ARAP2: variants seen among roughly 807,000 people sequenced by gnomAD.
ARAP2 encodes arf-GAP with Rho-GAP domain, ANK repeat and PH domain-containing protein 2.
ARAP2 carries 148 observed loss-of-function variants against 194.5 expected under a neutral mutation model. The observed-to-expected ratio is 0.76, with a 90% CI of 0.67 to 0.87. The LOEUF (loss-of-function observed/expected upper bound fraction) is 0.87. ARAP2 is among the 40% of genes least tolerant of loss of function. The pLI is 0.00. For missense variants in ARAP2, 2,128 were observed against 1,989.7 expected (o/e 1.07, Z -1.32); for synonymous variants, 695 against 683.5 (o/e 1.02, Z -0.26).
intron 28 of ARAP2, among the ~76,000 whole-genome samples, chr4:36,090,050 C>T (rs1713148004): frequency 6.7e-6 from 1 of 149,648 alleles, no homozygotes; most frequent in South Asian, 2.1e-4. Flanking sequence ...ATTTGATAAA[C>T]ACAATCAGAA....
chr4:36,111,385 C>T (rs562606892), intron 26 of ARAP2, among the ~76,000 whole-genome samples: 27 of 152,042 alleles, frequency 1.8e-4, no homozygotes, highest in African/African-American at 6.0e-4. Flanking sequence ...ACCACAGGCC[C>T]TTCTGTTGCT....
At chr4:36,045,026 T>G (rs1202123592) in intron 5 of ARAP2, among the ~76,000 whole-genome samples, 1 of 152,168 alleles carries the variant, frequency 6.6e-6, no homozygotes, top group Non-Finnish European at 1.5e-5. Context: ...CCTGTTAGAA[T>G]GGCTATCATA....
intron 5 of ARAP2, among the ~76,000 whole-genome samples, chr4:36,040,319 T>C (rs552962377): frequency 2.0e-5 from 3 of 152,274 alleles, no homozygotes; most frequent in Admixed American, 6.5e-5. Context: ...ACGATGCCCA[T>C]ATATATGAAG....
intron 8 of ARAP2, among the ~76,000 whole-genome samples, chr4:36,013,304 C>A (rs1182699674): frequency 6.6e-6 from 1 of 152,072 alleles, no homozygotes; most frequent in Non-Finnish European, 1.5e-5. Context: ...TGACGTAATA[C>A]CCTTTCTGGA....
intron 5 of ARAP2, among the ~76,000 whole-genome samples, chr4:36,030,180 G>A (rs1436554911): frequency 9.2e-5 from 14 of 151,924 alleles, no homozygotes. Flanking sequence ...CAGCTTGGCT[G>A]GAAATAAGAT....
intron 1 of ARAP2, among the ~76,000 whole-genome samples, chr4:36,060,201 C>G (rs1024016719): frequency 6.6e-6 from 1 of 152,136 alleles, no homozygotes; most frequent in Admixed American, 6.6e-5. Context: ...AGTCGTTTAA[C>G]TGAGAAGCTC....
In ARAP2 at chr4:36,020,137, G is replaced by A. The variant is rs546481429; in HGVS notation, n.608-851C>T. On this transcript the variant is annotated intron_variant and non_coding_transcript_variant, in intron 5 of 12. Coordinates refer to the ARAP2 transcript ENST00000503225. The stretch of plus-strand genomic sequence containing the variant: ...TAATACCACGACAATCAGACAGGGT[G>A]CGGCAGCTCATGCCTGTAAGCCCAG... Among the ~76,000 whole-genome samples the A allele has an allele frequency of 6.6e-5, 10 of 152,342 alleles. No homozygotes were observed. In the East Asian group the frequency reaches 1.9e-3, roughly 29 times the overall value.
At chr4:36,171,279 A>G (rs940440742) in intron 9 of ARAP2, among the ~76,000 whole-genome samples, 10 of 151,216 alleles carry the variant, frequency 6.6e-5, no homozygotes, top group Admixed American at 2.6e-4. Context: ...CCAAATGTCC[A>G]ACAACGATAG....
rs139223086 is a variant in ARAP2, at chr4:36,086,106, T to C, written c.4426-2656A>G. Among the ~76,000 whole-genome samples the C allele has an allele frequency of 2.2e-4, 33 of 152,194 alleles. 1 individual carries two copies. In the East Asian group the frequency reaches 6.4e-3, roughly 29 times the overall value. ...CACCTGTGTCAGAGGTTAAATCAAA[T>C]TACAACCAAGGTTTGTGTTCCTTTT... On this transcript the variant is annotated intron_variant, in intron 28 of 32. Transcript: ENST00000303965.
chr4:36,143,826 G>A (rs1241464833), intron 19 of ARAP2, among the ~76,000 whole-genome samples: 2 of 151,746 alleles, frequency 1.3e-5, no homozygotes, highest in African/African-American at 4.8e-5. Context: ...TAACTTGTTA[G>A]TAACACATGT....
At chr4:36,193,825 G>A (rs1001736031) in intron 6 of ARAP2, among the ~76,000 whole-genome samples, 178 bp from the exon 7 acceptor site, 1 of 152,184 alleles carries the variant, frequency 6.6e-6, no homozygotes, top group Non-Finnish European at 1.5e-5. Flanking sequence ...TAGCATAATA[G>A]TACTTTCTAA....
Position 36,068,288 on chromosome 4 carries a change from A to C in ARAP2, c.4744-10T>G. 1.3e-6 allele frequency: 2 copies of C among 1,510,136 alleles called. No individual in the cohort carries two copies. The highest frequency in any genetic ancestry group is 1.8e-6 in the Non-Finnish European group (2 of 1,131,490). The allele number at this position is 1,510,136 out of a possible 1,614,324, so 93.5% of individuals were successfully genotyped here. A position where few individuals can be genotyped will look rare whatever the true frequency, so the allele number is the denominator to read the frequency against. On this transcript the variant is annotated splice_polypyrimidine_tract_variant and intron_variant, in intron 32 of 32. Coordinates refer to ENST00000303965, the MANE Select transcript of ARAP2 (RefSeq NM_015230.4). ...GTTCTGCTCTTGCACTCTAAAAATA[A>C]AATTAAATGTCTCACAGGGAAGCAA...
intron 16 of ARAP2, among the ~76,000 whole-genome samples, chr4:36,150,185 GTTTAT>G (rs1193915265): frequency 1.3e-5 from 2 of 152,026 alleles, no homozygotes; most frequent in Non-Finnish European, 2.9e-5. Context: ...ACTAAATATT[GTTTAT>G]TTTAATGTGA....
Position 36,212,424 on chromosome 4 carries a change from C to A in ARAP2, c.1105G>T (p.Ala369Ser). 1 of 1,612,232 alleles carries A rather than the reference C, an allele frequency of 6.2e-7. No homozygotes were observed. Residue 369 changes from alanine (A) to serine (S), a missense_variant, in exon 5 of 33, where the codon GCA becomes TCA. Coordinates refer to ENST00000303965, the MANE Select transcript of ARAP2 (RefSeq NM_015230.4). ...GEALKGEAAT[A>S]TNSFIIKSSI... Reference sequence around the variant, plus strand: ...GATTTGATGATAAAAGAGTTTGTTGCAGTAGCTGCTTCCCCTTTGAGTGCT... The same window carrying A: ...GATTTGATGATAAAAGAGTTTGTTGAAGTAGCTGCTTCCCCTTTGAGTGCT...
At chr4:36,226,015 A>G (rs1560714006) in intron 2 of ARAP2, among the ~76,000 whole-genome samples, 1 of 152,208 alleles carries the variant, frequency 6.6e-6, no homozygotes, top group Admixed American at 6.5e-5. Context: ...AAGGAGCACA[A>G]GGAAAAACAA....
At chr4:36,235,659 A>G (rs1345280416) in intron 1 of ARAP2, among the ~76,000 whole-genome samples, 3 of 152,242 alleles carry the variant, frequency 2.0e-5, no homozygotes, top group Non-Finnish European at 4.4e-5. Flanking sequence ...TGTTTGCTGA[A>G]TAATTTCTCC....
chr4:36,060,465 G>C (rs1231583750), intron 1 of ARAP2, among the ~76,000 whole-genome samples: 1 of 152,076 alleles, frequency 6.6e-6, no homozygotes, highest in East Asian at 1.9e-4. Flanking sequence ...TATGGTTATT[G>C]TAACTTTGAT....
In ARAP2 at chr4:36,166,999, T is replaced by G. The variant is rs577221256; in HGVS notation, c.1906A>C (p.Asn636His). 3 of 1,608,970 alleles carry G rather than the reference T, an allele frequency of 1.9e-6. No homozygotes were observed. In the South Asian group the frequency reaches 3.3e-5, roughly 18 times the overall value. Residue 636 changes from asparagine (N) to histidine (H), a missense_variant, in exon 10 of 33, where the codon AAT (asparagine) becomes CAT (histidine). By Grantham distance (68) the Asn-to-His change is moderately conservative (BLOSUM62 1). Transcript: ENST00000303965. ...ACAGTTCGGTCCACTTGCTTTACAT[T>G]TGCTACATTCATAGGAATTATGGTA... ...GITIIPMNVA[N>H]VKQVDRTVKQ...
intron 5 of ARAP2, among the ~76,000 whole-genome samples, chr4:36,028,422 A>G (rs1718309478): frequency 6.6e-6 from 1 of 151,856 alleles, no homozygotes; most frequent in Non-Finnish European, 1.5e-5. Context: ...AAATTTGATT[A>G]TTTTTATTTT....
Sources: gnomAD v4.1 joint callset for allele counts (sites outside exome capture counted in the v4.1 genomes callset) on GRCh38, gnomAD v4.1.1 for gene constraint, MANE v1.5 for transcripts, NCBI Gene and HGNC (gene_info 2026-07-23, HGNC 2026-07-21) for gene names.